Variants in GPC5 observed in about 807,000 individuals in gnomAD.
GPC5 encodes the protein glypican 5, also known as glypican-5.
GPC5 carries 47 observed loss-of-function variants against 53.9 expected under a neutral mutation model. The observed-to-expected ratio is 0.87, with a 90% CI of 0.69 to 1.11. The LOEUF is 1.11. Ranked by LOEUF, GPC5 falls within the 50% of genes most tolerant of loss-of-function variation. The pLI is 0.00. For synonymous variants in GPC5, 286 were observed against 263.3 expected (o/e 1.09, Z -0.84); for missense variants, 748 against 713.1 (o/e 1.05, Z -0.56).
In GPC5 at chr13:91,907,980, G is replaced by A. The variant is rs2039573202; in HGVS notation, c.1324G>A (p.Gly442Arg). ...VVGNGIKAQS[G>R]NPEVKVKGID... ...TGGAAATGGAATCAAAGCCCAGTCT[G>A]GAAATCCTGAAGTCAAAGTCAAAGG... The change falls in exon 6 of 8, where the codon GGA (glycine) becomes AGA (arginine). Residue 442 changes from glycine (G) to arginine (R), a missense_variant. Physicochemically the swap from Gly to Arg is moderately radical, Grantham distance 125 (BLOSUM62 -2). Transcript: ENST00000377067. 1 of 1,594,798 alleles carries A rather than the reference G, an allele frequency of 6.3e-7. No individual in the cohort carries two copies. The highest frequency in any genetic ancestry group is 8.5e-7 in the Non-Finnish European group (1 of 1,178,130).
intron 7 of GPC5, among the ~76,000 whole-genome samples, chr13:92,304,508 T>C (rs749769026): frequency 6.6e-6 from 1 of 152,070 alleles, no homozygotes; most frequent in Non-Finnish European, 1.5e-5. Flanking sequence ...TCCACCCTCA[T>C]TTACTTTCAA....
intron 2 of GPC5, among the ~76,000 whole-genome samples, chr13:91,670,008 T>G (rs2035207781): frequency 1.3e-5 from 2 of 152,164 alleles, no homozygotes; most frequent in African/African-American, 4.8e-5. Context: ...GGACACTGAG[T>G]GAACCCAAAG....
chr13:92,532,501 T>C (rs892513182), intron 7 of GPC5, among the ~76,000 whole-genome samples: 1 of 152,148 alleles, frequency 6.6e-6, no homozygotes, highest in African/African-American at 2.4e-5. Flanking sequence ...AAATGTAGGT[T>C]ACTAAATCCC....
intron 7 of GPC5, among the ~76,000 whole-genome samples, chr13:92,211,571 T>G (rs893650481): frequency 1.3e-5 from 2 of 152,232 alleles, no homozygotes; most frequent in Non-Finnish European, 2.9e-5. Flanking sequence ...GGAAGTGGCT[T>G]TCCAAGTGTG....
At chr13:91,753,848 C>A (rs1442504965) in intron 4 of GPC5, among the ~76,000 whole-genome samples, 2 of 152,024 alleles carry the variant, frequency 1.3e-5, no homozygotes, top group Non-Finnish European at 2.9e-5. Flanking sequence ...TCTTCTGATT[C>A]CTCTGTGCGC....
intron 7 of GPC5, among the ~76,000 whole-genome samples, chr13:92,789,528 C>T (rs1876387860): frequency 1.3e-5 from 2 of 152,192 alleles, no homozygotes. Context: ...AACTGTCAAA[C>T]ACCATTCTAT....
chr13:92,511,826 C>A, intron 7 of GPC5, among the ~76,000 whole-genome samples: 1 of 152,310 alleles, frequency 6.6e-6, no homozygotes, highest in African/African-American at 2.4e-5. Flanking sequence ...CCCTTCCTGA[C>A]TTCATCATCT....
chr13:91,886,224 T>G (rs1168219866), intron 5 of GPC5, among the ~76,000 whole-genome samples: 1 of 152,114 alleles, frequency 6.6e-6, no homozygotes. Flanking sequence ...AGACAGCATG[T>G]GCAGGGGAAC....
At chr13:92,166,949 C>CTCTCTA (rs1555315980) in intron 7 of GPC5, among the ~76,000 whole-genome samples, 65 of 58,342 alleles carry the variant, frequency 1.1e-3, no homozygotes, top group African/African-American at 3.4e-3. Flanking sequence ...CTCTCTCTCT[C>CTCTCTA]TCTCTCTCAC....
chr13:92,400,683 C>T (rs988323882), intron 7 of GPC5, among the ~76,000 whole-genome samples: 1 of 152,182 alleles, frequency 6.6e-6, no homozygotes, highest in African/African-American at 2.4e-5. Context: ...GTATATATTT[C>T]CTACAGCAGT....
intron 7 of GPC5, among the ~76,000 whole-genome samples, chr13:92,597,001 T>G (rs760306516): frequency 6.6e-6 from 1 of 151,300 alleles, no homozygotes; most frequent in Non-Finnish European, 1.5e-5. Context: ...GTTCTTCCGT[T>G]GTTTGTTATT....
intron 6 of GPC5, among the ~76,000 whole-genome samples, chr13:91,983,161 C>T (rs1035125436): frequency 6.6e-6 from 1 of 151,884 alleles, no homozygotes; most frequent in Admixed American, 6.6e-5. Context: ...CTGGCTAACA[C>T]GGTGAAACCC....
intron 5 of GPC5, among the ~76,000 whole-genome samples, chr13:91,878,376 A>C (rs1174662312): frequency 6.6e-6 from 1 of 152,208 alleles, no homozygotes; most frequent in Non-Finnish European, 1.5e-5. Flanking sequence ...TCAAAATAGT[A>C]GTAAGTAGTA....
chr13:92,784,492 G>T (rs962395918), intron 7 of GPC5, among the ~76,000 whole-genome samples: 1 of 150,888 alleles, frequency 6.6e-6, no homozygotes, highest in East Asian at 1.9e-4. Context: ...TTTTTTTACA[G>T]ATGTAATGTA....
At chr13:92,795,475 C>T (rs1876639037) in intron 7 of GPC5, among the ~76,000 whole-genome samples, 1 of 152,108 alleles carries the variant, frequency 6.6e-6, no homozygotes, top group African/African-American at 2.4e-5. Flanking sequence ...TAGGCATGTG[C>T]AAACACTTCT....
intron 7 of GPC5, among the ~76,000 whole-genome samples, chr13:92,771,111 TCTCCTGA>T (rs1385867746): frequency 6.6e-6 from 1 of 152,042 alleles, no homozygotes; most frequent in Non-Finnish European, 1.5e-5. Flanking sequence ...CTCCCTGTGA[TCTCCTGA>T]CAACAGAGTG....
At chr13:92,827,275 T>C (rs1038361322) in intron 7 of GPC5, among the ~76,000 whole-genome samples, 1 of 152,126 alleles carries the variant, frequency 6.6e-6, no homozygotes, top group Non-Finnish European at 1.5e-5. Flanking sequence ...TTTCAAGACA[T>C]AACTTTTGAA....
chr13:91,814,051 G>A (rs1433753440), intron 5 of GPC5, among the ~76,000 whole-genome samples: 1 of 146,888 alleles, frequency 6.8e-6, no homozygotes, highest in African/African-American at 2.5e-5. Flanking sequence ...TCCTGCCTCA[G>A]CCTCCCAAAT....
intron 1 of GPC5, among the ~76,000 whole-genome samples, chr13:91,424,652 C>G (rs1878902985): frequency 6.6e-6 from 1 of 152,184 alleles, no homozygotes; most frequent in African/African-American, 2.4e-5. Context: ...CAGGCATGAG[C>G]CACCGTGCCC....
Sources: allele counts gnomAD v4.1 joint callset (sites outside exome capture counted in the v4.1 genomes callset), GRCh38; gene constraint gnomAD v4.1.1; transcripts MANE v1.5; gene names NCBI Gene and HGNC (gene_info 2026-07-23, HGNC 2026-07-21).